Variants in UNC5A observed in about 807,000 individuals in gnomAD.
UNC5A encodes netrin receptor UNC5A.
Under a neutral mutation model 87.4 loss-of-function variants are expected in UNC5A, and 20 were observed. That is an observed-to-expected ratio of 0.23 (90% CI 0.16 to 0.33). UNC5A has a LOEUF of 0.33. Among genes scored for constraint, UNC5A ranks in the 10% least tolerant of loss-of-function variants. UNC5A has a pLI of 1.00. For missense variants in UNC5A, 844 were observed against 1,133.4 expected, an observed-to-expected ratio of 0.74 and a Z score of 3.67; for synonymous variants, 438 against 482.3, an observed-to-expected ratio of 0.91 and a Z score of 1.20.
intron 1 of UNC5A, among the ~76,000 whole-genome samples, chr5:176,842,623 A>G (rs1285990138): frequency 6.6e-6 from 1 of 152,204 alleles, no homozygotes; most frequent in African/African-American, 2.4e-5. Flanking sequence ...CAAACATTGT[A>G]TGTCCCCACT....
chr5:176,851,196 T>C (rs1268438822), intron 1 of UNC5A, among the ~76,000 whole-genome samples: 6 of 152,252 alleles, frequency 3.9e-5, no homozygotes, highest in Non-Finnish European at 8.8e-5. Context: ...AGTTTCTTCA[T>C]TGGTAATTCA....
intron 1 of UNC5A, among the ~76,000 whole-genome samples, chr5:176,830,641 C>T (rs1195739593): frequency 7.9e-4 from 70 of 88,680 alleles, no homozygotes; most frequent in Admixed American, 3.1e-3. Context: ...TGTGCGCTGG[C>T]GTGTGCATTT....
chr5:176,861,798 G>A (rs1757846058), intron 1 of UNC5A, among the ~76,000 whole-genome samples: 1 of 136,572 alleles, frequency 7.3e-6, no homozygotes, highest in South Asian at 2.5e-4. Context: ...AATGCGCATT[G>A]GTGGGGGGAT....
intron 13 of UNC5A, 102 bp from the exon 14 acceptor site, chr5:176,879,202 GCCGCCC>G: frequency 7.4e-7 from 1 of 1,353,540 alleles, no homozygotes; most frequent in East Asian, 2.4e-5. Context: ...CAGTGCTCAT[GCCGCCC>G]CCATGCTCTG....
intron 1 of UNC5A, among the ~76,000 whole-genome samples, chr5:176,852,557 C>T (rs1178326656): frequency 6.6e-6 from 1 of 152,228 alleles, no homozygotes; most frequent in Non-Finnish European, 1.5e-5. Context: ...ACAATTACAG[C>T]TTAATTCAGG....
intron 1 of UNC5A, among the ~76,000 whole-genome samples, chr5:176,859,468 CCTTGCT>C: frequency 6.8e-6 from 1 of 146,950 alleles, no homozygotes; most frequent in African/African-American, 2.5e-5. Flanking sequence ...GCTAGAATGT[CCTTGCT>C]AGAGGGCATA....
intron 1 of UNC5A, among the ~76,000 whole-genome samples, chr5:176,811,436 G>C (rs1756451481): frequency 6.6e-6 from 1 of 152,236 alleles, no homozygotes; most frequent in East Asian, 1.9e-4. Context: ...CCCGGTGGCC[G>C]GGGCTGTGGC....
intron 1 of UNC5A, among the ~76,000 whole-genome samples, chr5:176,852,823 G>C (rs867786190): frequency 6.6e-6 from 1 of 152,240 alleles, no homozygotes; most frequent in African/African-American, 2.4e-5. Context: ...CTGCGTTTGC[G>C]ACATCTTGGC....
chr5:176,868,754 G>A (rs1352339285), intron 4 of UNC5A, 30 bp from the exon 5 acceptor site: 1 of 1,587,170 alleles, frequency 6.3e-7, no homozygotes, highest in Non-Finnish European at 8.6e-7. Flanking sequence ...AGCATGGGCT[G>A]GCAGTACATG....
In UNC5A at chr5:176,810,887, TG is replaced by T; in HGVS notation, c.70+72del. 3 of 1,178,942 alleles carry T rather than the reference TG, an allele frequency of 2.5e-6. No homozygotes were observed. The highest frequency in any genetic ancestry group is 3.2e-6 in the Non-Finnish European group (3 of 951,324). The allele number at this position is 1,178,942 out of a possible 1,614,324, so 73.0% of individuals were successfully genotyped here. A position where few individuals can be genotyped will look rare whatever the true frequency, so the allele number is the denominator to read the frequency against. On this transcript the variant is annotated intron_variant, in intron 1 of 14. Coordinates refer to ENST00000329542, the MANE Select transcript of UNC5A (RefSeq NM_133369.3). This position sits in a 1 kb window ranked among gnomAD's most constrained non-coding sequence, Gnocchi z 7.3. ...CCGTGCGCGCGAACGCTCGCTGCTC[TG>T]GGGGTCCCTGACCAGCGCTGCCAGA... is the stretch of plus-strand genomic sequence containing the variant.
At chr5:176,833,169 G>A (rs1287060082) in intron 1 of UNC5A, among the ~76,000 whole-genome samples, 1 of 152,200 alleles carries the variant, frequency 6.6e-6, no homozygotes, top group Non-Finnish European at 1.5e-5. Context: ...TTTTACTTTA[G>A]GTTCAAGGTG....
In UNC5A at chr5:176,853,722, C is replaced by T. The variant is rs143906493; in HGVS notation, c.71-8902C>T. 2.9e-3 allele frequency among the ~76,000 whole-genome samples: 443 copies of T among 152,374 alleles called. 4 individuals are homozygous for T. Among genetic ancestry groups the T allele is most frequent in the African/African-American group, 9.7e-3 (402 of 41,590 alleles). On this transcript the variant is annotated intron_variant, in intron 1 of 14. Coordinates refer to ENST00000329542, the MANE Select transcript of UNC5A (RefSeq NM_133369.3). Reference sequence around the variant, plus strand: ...CCGGCACGCTCCTAGACAGGAGACACTGCCCTCTCCCCACCTTCGTGCATT... The same window carrying T: ...CCGGCACGCTCCTAGACAGGAGACATTGCCCTCTCCCCACCTTCGTGCATT...
chr5:176,872,141 T>C (rs1581276529), intron 6 of UNC5A, among the ~76,000 whole-genome samples: 2 of 93,112 alleles, frequency 2.1e-5, no homozygotes, highest in African/African-American at 4.3e-5. Context: ...CTGCCCACAC[T>C]CGCCCCACAC....
At chr5:176,815,015 CTG>C (rs2113577811) in intron 1 of UNC5A, among the ~76,000 whole-genome samples, 1 of 152,302 alleles carries the variant, frequency 6.6e-6, no homozygotes. Context: ...GTGGAGGATG[CTG>C]TGCCCCAGCC....
chr5:176,853,121 G>A (rs749409909), intron 1 of UNC5A, among the ~76,000 whole-genome samples: 3 of 152,296 alleles, frequency 2.0e-5, no homozygotes, highest in East Asian at 1.9e-4. Flanking sequence ...GTGCGGGCAC[G>A]ACAAGTGCAA....
At chr5:176,814,997 A>G (rs944744098) in intron 1 of UNC5A, among the ~76,000 whole-genome samples, 5 of 152,156 alleles carry the variant, frequency 3.3e-5, no homozygotes, top group African/African-American at 1.2e-4. Context: ...ACTAGGCCCC[A>G]TCCTGGGGTG....
chr5:176,866,069 C>T lies in UNC5A; in HGVS notation c.293-2061C>T, dbSNP rs1191034444. Among the ~76,000 whole-genome samples the T allele has an allele frequency of 6.6e-6, 1 of 152,182 alleles. No individual in the cohort carries two copies. The highest frequency in any genetic ancestry group is 1.9e-4 in the East Asian group (1 of 5,184). ...TTGGCCTCAGAGCCCCAGCTAGAAA[C>T]CCTGGGCAGCCCAGGTTCACACACA... On this transcript the variant is annotated intron_variant, in intron 2 of 14. Coordinates refer to ENST00000329542, the MANE Select transcript of UNC5A (RefSeq NM_133369.3). This position sits in a 1 kb window ranked among gnomAD's most constrained non-coding sequence, Gnocchi z 5.0.
chr5:176,812,866 G>C (rs1318854407), intron 1 of UNC5A, among the ~76,000 whole-genome samples: 1 of 152,182 alleles, frequency 6.6e-6, no homozygotes, highest in Non-Finnish European at 1.5e-5. Flanking sequence ...CAGGCACTGG[G>C]CACATGTGGA....
chr5:176,831,599 G>A (rs1429479497), intron 1 of UNC5A, among the ~76,000 whole-genome samples: 1 of 152,180 alleles, frequency 6.6e-6, no homozygotes, highest in East Asian at 1.9e-4. Flanking sequence ...GCCACCACTC[G>A]GCTCTGCTGT....
Sources: allele counts gnomAD v4.1 joint callset (sites outside exome capture counted in the v4.1 genomes callset), GRCh38; gene constraint gnomAD v4.1.1; non-coding constraint Gnocchi (gnomAD v3.1); transcripts MANE v1.5; gene names NCBI Gene and HGNC (gene_info 2026-07-23, HGNC 2026-07-21).